Variants in AGAP1 observed in about 807,000 individuals in gnomAD.
AGAP1 encodes ArfGAP with GTPase domain, ankyrin repeat and PH domain 1, also known as arf-GAP with GTPase, ANK repeat and PH domain-containing protein 1.
A neutral mutation model predicts 105.3 loss-of-function variants in AGAP1; 29 were observed. The ratio of observed to expected loss-of-function variants is 0.28; its 90% CI spans 0.21 to 0.38. AGAP1 has a LOEUF of 0.38. Ranked by LOEUF, AGAP1 falls within the 10% of genes least tolerant of loss-of-function variation. The pLI is 1.00. For synonymous variants in AGAP1, 509 were observed against 485.9 expected (o/e 1.05, Z -0.63); for missense variants, 998 against 1,165.1 (o/e 0.86, Z 2.09).
rs1382516784 is a variant in AGAP1, at chr2:235,894,634, T to TACACACACATACACAC, written c.1155+11194_1155+11195insTACACACACACACACA. ...ACACTTAAACATACACATGCACATG[T>TACACACACATACACAC]ACACACACACACACAGCTATGGGCA... On this transcript the variant is annotated intron_variant, in intron 10 of 17. Transcript: ENST00000304032. 2.9e-4 allele frequency among the ~76,000 whole-genome samples: 7 copies of TACACACACATACACAC among 24,260 alleles called. 1 individual carries two copies. The South Asian group carries it at 7.6e-3, about 26-fold the overall frequency. The allele number at this position is 24,260 out of a possible 152,430, so 15.9% of individuals were successfully genotyped here. A position where few individuals can be genotyped will look rare whatever the true frequency, so the allele number is the denominator to read the frequency against.
intron 10 of AGAP1, among the ~76,000 whole-genome samples, chr2:235,903,348 A>C (rs1575739669): frequency 6.6e-6 from 1 of 152,202 alleles, no homozygotes; most frequent in East Asian, 1.9e-4. Context: ...AGTTGAGCTT[A>C]AGCACTGTCA....
Position 236,036,420 on chromosome 2 carries a change from C to T in AGAP1, c.1646-141C>T, listed in dbSNP as rs1161242460. 5 of 1,111,648 alleles carry T rather than the reference C, an allele frequency of 4.5e-6. No homozygotes were observed. Among genetic ancestry groups the T allele is most frequent in the South Asian group, 1.5e-5 (1 of 65,754 alleles). 68.9% of individuals were successfully genotyped at this position (1,111,648 alleles called of 1,614,324 possible). A position where few individuals can be genotyped will look rare whatever the true frequency, so the allele number is the denominator to read the frequency against. Reference sequence around the variant, plus strand: ...GAGGTGCATGGATTCAAATCTCCGCCGCCGTGGTTGTCCAGTGCCGTGCGC... The same window carrying T: ...GAGGTGCATGGATTCAAATCTCCGCTGCCGTGGTTGTCCAGTGCCGTGCGC... On this transcript the variant is annotated intron_variant, in intron 13 of 17. Transcript: ENST00000304032. This position sits in a 1 kb window ranked among gnomAD's most constrained non-coding sequence, Gnocchi z 5.7.
rs957068698 is a variant in AGAP1, at chr2:236,095,520, T to TA, written c.2115-24665dup. ...ATAGTGAGATGCCATCTCTATAAAA[T>TA]AAAAAAAGATTAAAAAATAGGAAAA... On this transcript the variant is annotated intron_variant, in intron 16 of 17. Transcript: ENST00000304032. This position sits in a 1 kb window ranked among gnomAD's most constrained non-coding sequence, Gnocchi z 4.1. 2.0e-5 allele frequency among the ~76,000 whole-genome samples: 3 copies of TA among 149,990 alleles called. No individual in the cohort carries two copies. The highest frequency in any genetic ancestry group is 2.0e-4 in the East Asian group (1 of 5,100).
rs538792523 is a variant in AGAP1 at position 235,634,891 on chromosome 2, T to A, written c.164-74288T>A. ...ACACGCTTTGGCTGGTTATTGGTGT[T>A]AGGATGTGTTTGTTCCATGTACGAG... On this transcript the variant is annotated intron_variant, in intron 1 of 17. Transcript: ENST00000304032. 2.6e-5 allele frequency among the ~76,000 whole-genome samples: 4 copies of A among 152,254 alleles called. No individual in the cohort carries two copies. In the South Asian group the frequency reaches 6.2e-4, roughly 24 times the overall value.
At chr2:236,075,282 T>TCC (rs1191888049) in intron 16 of AGAP1, among the ~76,000 whole-genome samples, 1 of 152,038 alleles carries the variant, frequency 6.6e-6, no homozygotes, top group Non-Finnish European at 1.5e-5. Flanking sequence ...CTGAAGTGTA[T>TCC]CCCTAAAAAC....
rs2057106374 is a variant in AGAP1, at chr2:236,027,891, G to A, written c.1646-8670G>A. On this transcript the variant is annotated intron_variant, in intron 13 of 17. Transcript: ENST00000304032. The surrounding 1 kb of genome is among the most constrained non-coding windows in gnomAD (Gnocchi z 4.4). ...ACGTCAGAGACAGACCATACCCAAG[G>A]ATCACAGAGATGGCACAGCTTCCTG... is the stretch of plus-strand genomic sequence containing the variant. 6.6e-6 allele frequency among the ~76,000 whole-genome samples: 1 copy of A among 152,118 alleles called. No individual in the cohort carries two copies. The highest frequency in any genetic ancestry group is 2.4e-5 in the African/African-American group (1 of 41,422).
At chr2:236,007,985 C>T (rs2125547462) in intron 13 of AGAP1, among the ~76,000 whole-genome samples, 1 of 152,370 alleles carries the variant, frequency 6.6e-6, no homozygotes, top group East Asian at 1.9e-4. Context: ...TTTTACTCCA[C>T]ACGTCATTTG....
At chr2:235,497,332 C>T (rs1484199618) in intron 1 of AGAP1, among the ~76,000 whole-genome samples, 3 of 152,206 alleles carry the variant, frequency 2.0e-5, no homozygotes, top group East Asian at 1.9e-4. Context: ...TGGAACATCA[C>T]AGTAACTGCA....
At chr2:235,945,404 G>A (rs913228396) in intron 12 of AGAP1, among the ~76,000 whole-genome samples, 14 of 152,262 alleles carry the variant, frequency 9.2e-5, no homozygotes, top group African/African-American at 2.4e-4. Flanking sequence ...TAACGCGTGC[G>A]CTAGCAGAAA....
intron 1 of AGAP1, among the ~76,000 whole-genome samples, chr2:235,523,616 T>C (rs1234455978): frequency 6.6e-6 from 1 of 152,130 alleles, no homozygotes; most frequent in East Asian, 1.9e-4. Flanking sequence ...GAGTAAGGCT[T>C]TATCCCACCC....
At chr2:235,619,952 C>T (rs566417890) in intron 1 of AGAP1, among the ~76,000 whole-genome samples, 37 of 152,248 alleles carry the variant, frequency 2.4e-4, no homozygotes, top group African/African-American at 5.3e-4. Flanking sequence ...GCCCCGATCC[C>T]GGGCCAGTTG....
Position 235,799,480 on chromosome 2 carries a change from G to A in AGAP1, c.915G>A (p.Thr305=), listed in dbSNP as rs982745709. Residue 305 remains threonine, a synonymous_variant, in exon 8 of 18, where the codon ACG becomes ACA. Transcript: ENST00000304032. The surrounding 1 kb of genome is among the most constrained non-coding windows in gnomAD (Gnocchi z 5.0). ...TTCCTCCCACTGCCAACACGCCCAC[G>A]CCCGTTCGCAAGCAGTCTAAGCGCC... The part of the protein sequence containing the change: ...IDVPPTANTP[T]PVRKQSKRRS... 16 of 1,614,002 alleles carry A rather than the reference G, an allele frequency of 9.9e-6. No homozygotes were observed. In the African/African-American group the frequency reaches 1.1e-4, roughly 11 times the overall value.
intron 9 of AGAP1, among the ~76,000 whole-genome samples, chr2:235,835,048 C>G (rs1339524148): frequency 6.6e-6 from 1 of 152,230 alleles, no homozygotes; most frequent in Non-Finnish European, 1.5e-5. Context: ...CCTCGCCCCT[C>G]GGCCTCACAC....
chr2:235,518,297 C>T (rs962985966), intron 1 of AGAP1, among the ~76,000 whole-genome samples: 4 of 152,198 alleles, frequency 2.6e-5, no homozygotes, highest in African/African-American at 9.7e-5. Context: ...CTTTGGGCAA[C>T]CAGATGCCTT....
rs1491480158 is a variant in AGAP1 at position 236,128,412 on chromosome 2, C to CA, written c.*4291dup. 2 of 152,466 alleles carry CA rather than the reference C, an allele frequency of 1.3e-5. No homozygotes were observed. Among genetic ancestry groups the CA allele is most frequent in the East Asian group, 3.9e-4 (2 of 5,172 alleles). The allele number at this position is 152,466 out of a possible 1,614,324, so 9.4% of individuals were successfully genotyped here. A position where few individuals can be genotyped will look rare whatever the true frequency, so the allele number is the denominator to read the frequency against. On this transcript the variant is annotated 3_prime_UTR_variant, in exon 18 of 18. Transcript: ENST00000304032. This position sits in a 1 kb window ranked among gnomAD's most constrained non-coding sequence, Gnocchi z 5.9. ...GCCGTTGCCATGAGCCGCTGTGACT[C>CA]ACGCGTGCACTGGGCCTTGCTTGGT...
At chr2:235,929,700 C>T (rs1322024004) in intron 11 of AGAP1, among the ~76,000 whole-genome samples, 2 of 151,892 alleles carry the variant, frequency 1.3e-5, no homozygotes, top group Non-Finnish European at 2.9e-5. Flanking sequence ...TCCATATCAC[C>T]GGAGTGCTTT....
At chr2:235,775,979 C>G (rs2292706) in intron 6 of AGAP1, among the ~76,000 whole-genome samples, 33,318 of 152,102 alleles carry the variant, frequency 0.22, 4,523 homozygotes, top group Non-Finnish European at 0.3. Flanking sequence ...AGCTTCTGTC[C>G]TTTGAAGGTT....
At chr2:235,811,694 G>A (rs1481395362) in intron 9 of AGAP1, among the ~76,000 whole-genome samples, 2 of 152,312 alleles carry the variant, frequency 1.3e-5, no homozygotes, top group East Asian at 1.9e-4. Flanking sequence ...CCATGGGGAC[G>A]ACCGCTCCCT....
Position 236,051,312 on chromosome 2 carries a change from C to G in AGAP1, c.2114+2031C>G, listed in dbSNP as rs1252409429. On this transcript the variant is annotated intron_variant, in intron 16 of 17. Coordinates refer to ENST00000304032, the MANE Select transcript of AGAP1 (RefSeq NM_001037131.3). The surrounding 1 kb of genome is among the most constrained non-coding windows in gnomAD (Gnocchi z 5.9). ...TGAAAATCAGCAAATAATCATTGCA[C>G]ACTTTCTCGTAGAAAAGCAACGGTG... Among the ~76,000 whole-genome samples, 14 of 152,214 alleles carry G rather than the reference C, an allele frequency of 9.2e-5. No individual in the cohort carries two copies. The highest frequency in any genetic ancestry group is 1.5e-4 in the Non-Finnish European group (10 of 68,048).
Sources: gnomAD v4.1 joint callset for allele counts (sites outside exome capture counted in the v4.1 genomes callset) on GRCh38, gnomAD v4.1.1 for gene constraint, Gnocchi (gnomAD v3.1) non-coding constraint, MANE v1.5 for transcripts, NCBI Gene and HGNC (gene_info 2026-07-23, HGNC 2026-07-21) for gene names.